HERC6: variants seen among roughly 807,000 people sequenced by gnomAD.
The protein encoded by HERC6 is HECT and RLD domain containing E3 ubiquitin protein ligase family member 6, also known as probable E3 ubiquitin-protein ligase HERC6.
HERC6 carries 101 observed loss-of-function variants against 114.5 expected under a neutral mutation model. The observed-to-expected ratio is 0.88, with a 90% CI of 0.75 to 1.04. The LOEUF (loss-of-function observed/expected upper bound fraction) is 1.04. HERC6 is among the 50% of genes least tolerant of loss of function. The pLI, the probability that HERC6 is intolerant of heterozygous loss-of-function variation, is 0.00. For missense variants in HERC6, 1,133 were observed against 1,230.9 expected (o/e 0.92, Z 1.19); for synonymous variants, 408 against 436.2 (o/e 0.94, Z 0.81).
At chr4:88,386,047 G>T (rs1307027592) in intron 3 of HERC6, among the ~76,000 whole-genome samples, 1 of 151,510 alleles carries the variant, frequency 6.6e-6, no homozygotes, top group Non-Finnish European at 1.5e-5. Flanking sequence ...ACCCTCCTTT[G>T]TCCACCCTCA....
intron 3 of HERC6, among the ~76,000 whole-genome samples, chr4:88,385,813 A>G (rs1444815564): frequency 3.3e-5 from 5 of 151,748 alleles, no homozygotes; most frequent in Non-Finnish European, 7.4e-5. Flanking sequence ...TAACTGGCCA[A>G]CTCTCTCAGA....
rs1272127959 is a variant in HERC6, at chr4:88,378,956, T to C, written c.35T>C (p.Leu12Pro). 2 of 1,595,128 alleles carry C rather than the reference T, an allele frequency of 1.3e-6. No individual in the cohort carries two copies. The highest frequency in any genetic ancestry group is 1.7e-6 in the Non-Finnish European group (2 of 1,172,008). The change falls in exon 1 of 23, where the codon CTG becomes CCG. Residue 12 changes from leucine to proline, a missense_variant. By Grantham distance (98) the Leu-to-Pro change is moderately conservative (BLOSUM62 -3). This residue lies in a region of HERC6 where 735 missense variants were observed against 754.0 expected (regional missense o/e 0.97). Coordinates refer to ENST00000264346, the MANE Select transcript of HERC6 (RefSeq NM_017912.4). Reference protein sequence around the residue: ...YFCWGADSRELQRRRTAGSPG... With the variant: ...YFCWGADSREPQRRRTAGSPG... ...TGTTGGGGCGCCGACTCCAGGGAGCTGCAGCGCCGGAGGACGGCGGGCAGC... is the reference window on the plus strand; with the variant it reads ...TGTTGGGGCGCCGACTCCAGGGAGCCGCAGCGCCGGAGGACGGCGGGCAGC...
chr4:88,382,231 A>C (rs1734362240), intron 1 of HERC6, among the ~76,000 whole-genome samples: 1 of 152,238 alleles, frequency 6.6e-6, no homozygotes. Context: ...TGATGTTCTC[A>C]ACTCCAAACC....
intron 10 of HERC6, among the ~76,000 whole-genome samples, chr4:88,407,407 G>A (rs1735865976): frequency 6.6e-6 from 1 of 152,104 alleles, no homozygotes; most frequent in East Asian, 1.9e-4. Flanking sequence ...GTTTGGTTTT[G>A]TTTAATGTTT....
Position 88,383,360 on chromosome 4 carries a change from G to A in HERC6, c.339G>A (p.Lys113=), listed in dbSNP as rs1469803472. 9 of 1,508,730 alleles carry A rather than the reference G, an allele frequency of 6.0e-6. No homozygotes were observed. The highest frequency in any genetic ancestry group is 2.6e-5 in the South Asian group (2 of 76,440). 93.5% of individuals were successfully genotyped at this position (1,508,730 alleles called of 1,614,324 possible). A position where few individuals can be genotyped will look rare whatever the true frequency, so the allele number is the denominator to read the frequency against. ...SEGQLGIGEF[K]EISFTPKKIM... is the part of the protein sequence containing the mutation. ...GGCAGCTGGGGATTGGAGAATTCAA[G>A]GAAATAAGTTTCACACCTAAGTAAG... Residue 113 remains lysine, a synonymous_variant, in exon 2 of 23, where the codon AAG becomes AAA. Coordinates refer to ENST00000264346, the MANE Select transcript of HERC6 (RefSeq NM_017912.4).
Position 88,396,062 on chromosome 4 carries a change from A to T in HERC6, c.807A>T (p.Gly269=). The change falls in exon 6 of 23, where the codon GGA becomes GGT. Residue 269 remains glycine (G), a synonymous_variant. Coordinates refer to ENST00000264346, the MANE Select transcript of HERC6 (RefSeq NM_017912.4). ...GAGACAATCGCTCTGGACAGCTGGG[A>T]TACAGCCCCACTCCTGAGAAGAGAG... ...TFGDNRSGQL[G]YSPTPEKRGP... is the part of the protein sequence containing the mutation. 6.2e-7 allele frequency: 1 copy of T among 1,609,098 alleles called. No individual in the cohort carries two copies. The highest frequency in any genetic ancestry group is 8.5e-7 in the Non-Finnish European group (1 of 1,177,540).
intron 8 of HERC6, among the ~76,000 whole-genome samples, chr4:88,403,071 G>A (rs1332461003): frequency 6.6e-6 from 1 of 152,204 alleles, no homozygotes; most frequent in Admixed American, 6.5e-5. Flanking sequence ...AATGCCTTTG[G>A]AGGACTGTAT....
chr4:88,438,469 C>T (rs924005401), intron 20 of HERC6, among the ~76,000 whole-genome samples: 3 of 152,198 alleles, frequency 2.0e-5, no homozygotes, highest in South Asian at 4.2e-4. Flanking sequence ...GTCTCGAATT[C>T]CTGAGCTCAG....
At position 88,424,615 on chromosome 4, in the gene HERC6, T is replaced by C; in HGVS notation, c.1848T>C (p.Ser616=). The C allele has an allele frequency of 6.2e-7, 1 of 1,609,720 alleles. No individual in the cohort carries two copies. The highest frequency in any genetic ancestry group is 8.5e-7 in the Non-Finnish European group (1 of 1,177,050). The change falls in exon 15 of 23, where the codon AGT becomes AGC. Residue 616 remains serine, a synonymous_variant. Transcript: ENST00000264346. ...DNHLIPAETP[S]PVIFSDFPFI... ...TTTAGATACCTGCAGAAACCCCCAGTCCTGTTATTTTCAGTGATTTTCCAT... is the reference window on the plus strand; with the variant it reads ...TTTAGATACCTGCAGAAACCCCCAGCCCTGTTATTTTCAGTGATTTTCCAT...
intron 17 of HERC6, among the ~76,000 whole-genome samples, chr4:88,434,184 GGGAA>G (rs1235850966): frequency 6.6e-6 from 1 of 152,220 alleles, no homozygotes; most frequent in Non-Finnish European, 1.5e-5. Flanking sequence ...TGACAGGATG[GGGAA>G]GGAAGCACTG....
At chr4:88,439,237 C>T (rs1344780750) in intron 20 of HERC6, among the ~76,000 whole-genome samples, 2 of 151,974 alleles carry the variant, frequency 1.3e-5, no homozygotes, top group Non-Finnish European at 2.9e-5. Flanking sequence ...AGCTGGGCAC[C>T]ATGGTGCATA....
intron 7 of HERC6, among the ~76,000 whole-genome samples, chr4:88,397,431 A>AT (rs1233235721): frequency 6.6e-6 from 1 of 151,874 alleles, no homozygotes; most frequent in Non-Finnish European, 1.5e-5. Context: ...TATATGGTGC[A>AT]TTTTTTTCTT....
Position 88,435,834 on chromosome 4 carries a change from T to A in HERC6, c.2360T>A (p.Leu787His). Reference protein sequence around the residue: ...LPFPLALYKKLLDQKPSLEDL... With the variant: ...LPFPLALYKKHLDQKPSLEDL... ...TTCCCACTGGCTCTGTATAAAAAAC[T>A]TCTGGACCAAAAGCCATCATTGGAA... The change falls in exon 18 of 23, where the codon CTT becomes CAT. Residue 787 changes from leucine to histidine, a missense_variant. By Grantham distance (99) the Leu-to-His change is moderately conservative (BLOSUM62 -3). Coordinates refer to ENST00000264346, the MANE Select transcript of HERC6 (RefSeq NM_017912.4). 6.2e-7 allele frequency: 1 copy of A among 1,612,286 alleles called. No homozygotes were observed. Among genetic ancestry groups the A allele is most frequent in the Non-Finnish European group, 8.5e-7 (1 of 1,179,114 alleles).
At position 88,435,875 on chromosome 4, in the gene HERC6, A is replaced by G; in HGVS notation, c.2401A>G (p.Ser801Gly). ...KPSLEDLKELSPRLGKSLQEV... is the reference protein window; with the variant it reads ...KPSLEDLKELGPRLGKSLQEV... ...ATCATTGGAAGATTTAAAAGAACTC[A>G]GTCCTCGGTTGGGGAAGTAAGTAAA... The change falls in exon 18 of 23, where the codon AGT becomes GGT. Residue 801 changes from serine (S) to glycine (G), a missense_variant. Physicochemically the swap from Ser to Gly is moderately conservative, Grantham distance 56. Transcript: ENST00000264346. 2 of 1,605,154 alleles carry G rather than the reference A, an allele frequency of 1.2e-6. No individual in the cohort carries two copies. The highest frequency in any genetic ancestry group is 1.7e-6 in the Non-Finnish European group (2 of 1,176,634).
intron 8 of HERC6, among the ~76,000 whole-genome samples, chr4:88,403,507 G>A (rs921687774): frequency 6.6e-6 from 1 of 152,142 alleles, no homozygotes; most frequent in African/African-American, 2.4e-5. Flanking sequence ...GTAATCCCAG[G>A]ACTTTGGGAG....
chr4:88,426,482 T>C (rs916296522), intron 15 of HERC6, among the ~76,000 whole-genome samples: 2 of 141,424 alleles, frequency 1.4e-5, no homozygotes, highest in African/African-American at 5.3e-5. Flanking sequence ...ATTATTATTA[T>C]CATCATCATC....
chr4:88,437,912 G>A (rs1234434086), intron 20 of HERC6, 131 bp downstream of exon 20: 9 of 680,860 alleles, frequency 1.3e-5, no homozygotes, highest in South Asian at 9.6e-5. Context: ...GCTGAGGTGG[G>A]TGGATCACTT....
intron 15 of HERC6, among the ~76,000 whole-genome samples, chr4:88,425,339 C>G (rs116248948): frequency 0.019 from 2,871 of 152,184 alleles, 93 homozygotes; most frequent in African/African-American, 0.066. Context: ...TGATATTTCA[C>G]GTTGATTTTA....
At position 88,383,249 on chromosome 4, in the gene HERC6, T is replaced by G; in HGVS notation, c.228T>G (p.Ile76Met). ...CAATTCAGGCATTGGAAACCCTAAT[T>G]GTTGATCTCGTGAGCTGCGGGAAGG... ...PEPIQALETLIVDLVSCGKEH... is the reference protein window; with the variant it reads ...PEPIQALETLMVDLVSCGKEH... Residue 76 changes from isoleucine (I) to methionine (M), a missense_variant, in exon 2 of 23, where the codon ATT becomes ATG. Coordinates refer to ENST00000264346, the MANE Select transcript of HERC6 (RefSeq NM_017912.4). 1 of 1,610,366 alleles carries G rather than the reference T, an allele frequency of 6.2e-7. No individual in the cohort carries two copies. The highest frequency in any genetic ancestry group is 2.2e-5 in the East Asian group (1 of 44,772).
Sources: gnomAD v4.1 joint callset for allele counts (sites outside exome capture counted in the v4.1 genomes callset) on GRCh38, gnomAD v4.1.1 for gene constraint, gnomAD v4.1.1 regional missense constraint, MANE v1.5 for transcripts, NCBI Gene and HGNC (gene_info 2026-07-23, HGNC 2026-07-21) for gene names.